The following DHCR7 variants were observed in gnomAD, a reference collection of about 807,000 sequenced individuals.
DHCR7 encodes the protein 7-DHC reductase.
A neutral mutation model predicts 43.3 loss-of-function variants in DHCR7; 40 were observed. The ratio of observed to expected loss-of-function variants is 0.92; its 90% CI spans 0.72 to 1.20. The LOEUF is 1.20. Ranked by LOEUF, DHCR7 falls within the 50% of genes most tolerant of loss-of-function variation. The pLI is 0.00. For synonymous variants in DHCR7, 298 were observed against 271.4 expected, an observed-to-expected ratio of 1.10 and a Z score of -0.96; for missense variants, 608 against 644.6, an observed-to-expected ratio of 0.94 and a Z score of 0.62.
rs780570846 is a variant in DHCR7, at chr11:71,444,874, C to T, written c.79G>A (p.Gly27Arg). Residue 27 changes from glycine to arginine, a missense_variant, in exon 3 of 9, where the codon GGG becomes AGG. By Grantham distance (125) the Gly-to-Arg change is moderately radical. Coordinates refer to ENST00000355527, the MANE Select transcript of DHCR7 (RefSeq NM_001360.3). ...GVTNDRTASQ[G>R]QWGRAWEVDW... ...CCTTACCAGGCACGGCCCCACTGCC[C>T]TTGAGATGCGGTTCTGTCATTGGTG... 1 of 1,614,240 alleles carries T rather than the reference C, an allele frequency of 6.2e-7. No individual in the cohort carries two copies. The highest frequency in any genetic ancestry group is 1.1e-5 in the South Asian group (1 of 91,088).
intron 2 of DHCR7, 46 bp from the exon 3 acceptor site, chr11:71,445,004 C>A: frequency 6.5e-7 from 1 of 1,538,650 alleles, no homozygotes; most frequent in Non-Finnish European, 9.0e-7. Flanking sequence ...AAATAACAGA[C>A]ACCACCTTTC....
chr11:71,434,102 C>T (rs1949245236), downstream of DHCR7, among the ~76,000 whole-genome samples: 1 of 152,246 alleles, frequency 6.6e-6, no homozygotes, highest in Non-Finnish European at 1.5e-5. Context: ...AAACCTGGCA[C>T]TCTTTCTGGC....
intron 7 of DHCR7, 104 bp downstream of exon 7, chr11:71,438,774 CT>C: frequency 7.9e-7 from 1 of 1,264,132 alleles, no homozygotes; most frequent in South Asian, 1.3e-5. Context: ...AGCTGACTCT[CT>C]TTTACAAGCA....
intron 6 of DHCR7, 92 bp downstream of exon 6, chr11:71,441,135 G>A (rs1949343078): frequency 8.4e-7 from 1 of 1,196,070 alleles, no homozygotes; most frequent in Non-Finnish European, 1.2e-6. Flanking sequence ...CAGTGCTCAG[G>A]GCTTTACAAC....
intron 7 of DHCR7, 91 bp from the exon 8 acceptor site, chr11:71,438,034 G>A (rs1055504162): frequency 8.1e-6 from 12 of 1,486,698 alleles, no homozygotes; most frequent in Middle Eastern, 1.7e-4. Flanking sequence ...GATGCAGCAG[G>A]GGGTGCTCGG....
intron 4 of DHCR7, among the ~76,000 whole-genome samples, chr11:71,442,950 T>C (rs974504501): frequency 6.6e-6 from 1 of 152,222 alleles, no homozygotes; most frequent in Non-Finnish European, 1.5e-5. Flanking sequence ...CAATCTCCGG[T>C]CACTCTGAAT....
At chr11:71,430,539 T>A (rs1949223013), downstream of DHCR7, among the ~76,000 whole-genome samples, 1 of 152,130 alleles carries the variant, frequency 6.6e-6, no homozygotes, top group African/African-American at 2.4e-5. Flanking sequence ...CCCTGCCTTG[T>A]CATGTGGGGT....
rs766583874 is a variant in DHCR7, at chr11:71,437,819, G to C, written c.956C>G (p.Thr319Arg). ...CTCTGCCCACCTCCTCACCTGCAGC[G>C]TGTAAAGATAAGGCAGCCAGACACA... ...GDCVWLPYLYTLQGLYLVYHP... is the reference protein window; with the variant it reads ...GDCVWLPYLYRLQGLYLVYHP... The change falls in exon 8 of 9, where the codon ACG (threonine) becomes AGG (arginine). Residue 319 changes from threonine (T) to arginine (R), a missense_variant. By Grantham distance (71) the Thr-to-Arg change is moderately conservative. Transcript: ENST00000355527. The C allele has an allele frequency of 1.2e-6, 2 of 1,613,850 alleles. No individual in the cohort carries two copies. Among genetic ancestry groups the C allele is most frequent in the Admixed American group, 3.3e-5 (2 of 60,028 alleles).
Position 71,439,059 on chromosome 11 carries a change from G to T in DHCR7, c.651C>A (p.Tyr217Ter), listed in dbSNP as rs749076525. Reference sequence around the variant, plus strand: ...TAAACTCGATGCCCATCATGTAGTTGTAAAAGAAATTGCCTGTGAATTTGC... The same window carrying T: ...TAAACTCGATGCCCATCATGTAGTTTTAAAAGAAATTGCCTGTGAATTTGC... ...RDCKFTGNFFYNYMMGIEFNP... is the reference protein window; with the variant it reads ...RDCKFTGNFF The change falls in exon 7 of 9, where the codon TAC (tyrosine) becomes TAA (stop). Residue 217 changes from tyrosine (Y) to a stop codon, truncating the protein, a stop_gained. Coordinates refer to ENST00000355527, the MANE Select transcript of DHCR7 (RefSeq NM_001360.3). LOFTEE classifies it high-confidence loss of function. 17 of 1,613,950 alleles carry T rather than the reference G, an allele frequency of 1.1e-5. No individual in the cohort carries two copies. The highest frequency in any genetic ancestry group is 1.4e-5 in the Non-Finnish European group (16 of 1,180,040).
At chr11:71,438,784 C>T in intron 7 of DHCR7, 95 bp downstream of exon 7, 1 of 1,308,516 alleles carries the variant, frequency 7.6e-7, no homozygotes, top group Admixed American at 1.8e-5. Context: ...CTTTTACAAG[C>T]AGTAGATTAA....
downstream of DHCR7, among the ~76,000 whole-genome samples, chr11:71,429,781 G>T (rs1018311465): frequency 6.6e-6 from 1 of 152,136 alleles, no homozygotes; most frequent in Admixed American, 6.5e-5. Flanking sequence ...TGTGAGCCAG[G>T]TGGACTTGCC....
chr11:71,430,316 G>C (rs1377627143), downstream of DHCR7, among the ~76,000 whole-genome samples: 1 of 152,132 alleles, frequency 6.6e-6, no homozygotes, highest in Non-Finnish European at 1.5e-5. Context: ...ACCCCTTGTG[G>C]GAGGGAGCAT....
chr11:71,444,847 A>C lies in DHCR7; in HGVS notation c.98+8T>G. 6.2e-7 allele frequency: 1 copy of C among 1,612,958 alleles called. No individual in the cohort carries two copies. Among genetic ancestry groups the C allele is most frequent in the Non-Finnish European group, 8.5e-7 (1 of 1,178,906 alleles). ...CTTTCTAGCTGGGAGAACAGGCAAG[A>C]TCCTTACCAGGCACGGCCCCACTGC... On this transcript the variant is annotated splice_region_variant and intron_variant, in intron 3 of 8. Transcript: ENST00000355527.
rs139724817 is a variant in DHCR7, at chr11:71,435,815, C to G, written c.988G>C (p.Val330Leu). Residue 330 changes from valine (V) to leucine (L), a missense_variant, in exon 9 of 9, where the codon GTG becomes CTG. Coordinates refer to ENST00000355527, the MANE Select transcript of DHCR7 (RefSeq NM_001360.3). ...LQGLYLVYHPVQLSTPHAVGV... is the reference protein window; with the variant it reads ...LQGLYLVYHPLQLSTPHAVGV... ...ACGGCGTGCGGGGTGGACAGCTGCA[C>G]GGGGTGGTACACCAAGTACAGACCC... 3 of 1,603,646 alleles carry G rather than the reference C, an allele frequency of 1.9e-6. No homozygotes were observed. The highest frequency in any genetic ancestry group is 2.7e-5 in the African/African-American group (2 of 74,794).
In DHCR7 at chr11:71,438,995, A is replaced by C; in HGVS notation, c.715T>G (p.Phe239Val). ...IGKWFDFKLF[F>V]NGRPGIVAWT... ...GCGACGATCCCGGGGCGCCCATTGA[A>C]GAACAGCTTGAAGTCAAACCACTTC... The change falls in exon 7 of 9, where the codon TTC becomes GTC. Residue 239 changes from phenylalanine to valine, a missense_variant. Phe to Val is a conservative substitution (Grantham distance 50). Coordinates refer to ENST00000355527, the MANE Select transcript of DHCR7 (RefSeq NM_001360.3). 1 of 1,614,128 alleles carries C rather than the reference A, an allele frequency of 6.2e-7. No individual in the cohort carries two copies. Among genetic ancestry groups the C allele is most frequent in the Non-Finnish European group, 8.5e-7 (1 of 1,180,048 alleles).
chr11:71,440,632 G>A (rs1251874930), intron 6 of DHCR7, among the ~76,000 whole-genome samples: 1 of 150,212 alleles, frequency 6.7e-6, no homozygotes, highest in Non-Finnish European at 1.5e-5. Context: ...TGATGGATAG[G>A]TGGATGGATG....
downstream of DHCR7, among the ~76,000 whole-genome samples, chr11:71,429,438 C>T (rs79408033): frequency 5.3e-3 from 814 of 152,170 alleles, 18 homozygotes; most frequent in East Asian, 0.064. Flanking sequence ...GGGAGACATG[C>T]GCTGAGGCTA....
intron 3 of DHCR7, among the ~76,000 whole-genome samples, chr11:71,444,635 T>G (rs898638177): frequency 4.6e-5 from 7 of 152,208 alleles, no homozygotes; most frequent in African/African-American, 1.7e-4. Flanking sequence ...AGCCTTTATC[T>G]TTTTTTCTAA....
downstream of DHCR7, among the ~76,000 whole-genome samples, chr11:71,429,580 C>T (rs1032126443): frequency 3.3e-5 from 5 of 152,100 alleles, no homozygotes; most frequent in African/African-American, 1.2e-4. Context: ...AGGGATGATA[C>T]CTGGTTTTCG....
Sources: gnomAD v4.1 joint callset for allele counts (sites outside exome capture counted in the v4.1 genomes callset) on GRCh38, gnomAD v4.1.1 for gene constraint, MANE v1.5 for transcripts, NCBI Gene and HGNC (gene_info 2026-07-23, HGNC 2026-07-21) for gene names.